Variants in TMEM132D observed in about 807,000 individuals in gnomAD.
TMEM132D encodes the protein transmembrane protein 132D, also known as mature OL transmembrane protein.
TMEM132D carries 21 observed loss-of-function variants against 62.3 expected under a neutral mutation model. The observed-to-expected ratio is 0.34, with a 90% CI of 0.24 to 0.49. TMEM132D has a LOEUF of 0.49. TMEM132D is among the 20% of genes least tolerant of loss of function. The probability of loss-of-function intolerance (pLI) is 0.99; values close to 1 mark genes in which losing one functional copy is unlikely to be tolerated. For synonymous variants in TMEM132D, 621 were observed against 575.6 expected, an observed-to-expected ratio of 1.08 and a Z score of -1.13; for missense variants, 1,346 against 1,402.8, an observed-to-expected ratio of 0.96 and a Z score of 0.65.
Position 129,699,974 on chromosome 12 carries a change from C to T in TMEM132D, c.804G>A (p.Gly268=), listed in dbSNP as rs2137225625. ...DESGPPLQRI[G]SIFLYQTHRK... is the part of the protein sequence containing the mutation. ...TGTGTGTCTGATAAAGGAAGATGCT[C>T]CCGATCCTCTGCAAGGGGGGCCCGG... Residue 268 remains glycine, a synonymous_variant, in exon 2 of 9, where the codon GGG becomes GGA. Transcript: ENST00000422113. The T allele has an allele frequency of 6.2e-7, 1 of 1,614,096 alleles. No homozygotes were observed. The highest frequency in any genetic ancestry group is 8.5e-7 in the Non-Finnish European group (1 of 1,180,030).
intron 4 of TMEM132D, among the ~76,000 whole-genome samples, chr12:129,266,253 G>T (rs1880691121): frequency 6.6e-6 from 1 of 152,024 alleles, no homozygotes; most frequent in African/African-American, 2.4e-5. Context: ...GCCACACTGG[G>T]GCTCCTCTCT....
intron 1 of TMEM132D, among the ~76,000 whole-genome samples, chr12:129,815,826 T>C (rs765325994): frequency 1.4e-4 from 21 of 152,214 alleles, no homozygotes; most frequent in Non-Finnish European, 2.6e-4. Context: ...TAACTAGAAA[T>C]GGAAGCTATT....
At chr12:129,482,494 G>GA (rs559553420) in intron 3 of TMEM132D, among the ~76,000 whole-genome samples, 42 of 152,218 alleles carry the variant, frequency 2.8e-4, no homozygotes, top group Middle Eastern at 3.4e-3. Flanking sequence ...TAGAAGCGTA[G>GA]AAAAAAATGG....
At chr12:129,747,817 TGACACACACTC>T (rs1234232632) in intron 1 of TMEM132D, among the ~76,000 whole-genome samples, 1 of 143,656 alleles carries the variant, frequency 7.0e-6, no homozygotes, top group Non-Finnish European at 1.5e-5. Flanking sequence ...TACACACACT[TGACACACACTC>T]GACACACATT....
At chr12:129,102,396 A>G (rs1172887720) in intron 5 of TMEM132D, among the ~76,000 whole-genome samples, 2 of 152,114 alleles carry the variant, frequency 1.3e-5, no homozygotes, top group South Asian at 4.1e-4. Context: ...ATGCATACAC[A>G]CACAATGCAC....
intron 3 of TMEM132D, among the ~76,000 whole-genome samples, chr12:129,509,162 G>A (rs1319258136): frequency 6.6e-6 from 1 of 152,126 alleles, no homozygotes; most frequent in Non-Finnish European, 1.5e-5. Context: ...ATTTTCTGAG[G>A]CCACTTTTAG....
chr12:129,307,392 G>A (rs892041845), intron 4 of TMEM132D, among the ~76,000 whole-genome samples: 1 of 152,114 alleles, frequency 6.6e-6, no homozygotes, highest in African/African-American at 2.4e-5. Flanking sequence ...TGAACCCTCT[G>A]CCTCATGCTT....
At chr12:129,800,709 G>A (rs1164430624) in intron 1 of TMEM132D, among the ~76,000 whole-genome samples, 1 of 152,118 alleles carries the variant, frequency 6.6e-6, no homozygotes, top group Non-Finnish European at 1.5e-5. Context: ...CAGGGAGGAG[G>A]AGCCAAGATG....
chr12:129,452,949 A>G (rs1412191993), intron 3 of TMEM132D, among the ~76,000 whole-genome samples: 3 of 152,140 alleles, frequency 2.0e-5, no homozygotes, highest in Non-Finnish European at 2.9e-5. Context: ...ATGGACCCAT[A>G]CTGGTTGGTG....
chr12:129,207,278 A>G (rs569555164), intron 5 of TMEM132D, among the ~76,000 whole-genome samples: 2 of 151,602 alleles, frequency 1.3e-5, no homozygotes, highest in East Asian at 3.9e-4. Context: ...TGGAGTTTAG[A>G]TTCCAATGAG....
chr12:129,640,103 C>T (rs911668885), intron 2 of TMEM132D, among the ~76,000 whole-genome samples: 4 of 152,000 alleles, frequency 2.6e-5, no homozygotes, highest in African/African-American at 9.7e-5. Flanking sequence ...AGCAACTAGG[C>T]TATATGGTAC....
At chr12:129,185,773 G>GTCTA (rs1555235284) in intron 5 of TMEM132D, among the ~76,000 whole-genome samples, 2,466 of 135,968 alleles carry the variant, frequency 0.018, 38 homozygotes, top group African/African-American at 0.042. Context: ...CTGTCTGTCT[G>GTCTA]TCTATCTATC....
chr12:129,261,766 G>C (rs59721479), intron 4 of TMEM132D, among the ~76,000 whole-genome samples: 2 of 152,000 alleles, frequency 1.3e-5, no homozygotes, highest in Non-Finnish European at 2.9e-5. Context: ...CTCTGCTTAC[G>C]AGGACACCAA....
At chr12:129,653,366 T>C (rs1879982502) in intron 2 of TMEM132D, among the ~76,000 whole-genome samples, 1 of 152,212 alleles carries the variant, frequency 6.6e-6, no homozygotes, top group Non-Finnish European at 1.5e-5. Context: ...TGATGGCCGA[T>C]GGATGGTATG....
chr12:129,387,015 C>G (rs1475358099), intron 3 of TMEM132D, among the ~76,000 whole-genome samples: 2 of 151,886 alleles, frequency 1.3e-5, no homozygotes, highest in Non-Finnish European at 2.9e-5. Context: ...AATATACTCA[C>G]ACTATACTAA....
Position 129,700,384 on chromosome 12 carries a change from G to A in TMEM132D, c.394C>T (p.His132Tyr), listed in dbSNP as rs2137227096. 1 of 1,614,134 alleles carries A rather than the reference G, an allele frequency of 6.2e-7. No homozygotes were observed. Among genetic ancestry groups the A allele is most frequent in the Non-Finnish European group, 8.5e-7 (1 of 1,180,032 alleles). The change falls in exon 2 of 9, where the codon CAC becomes TAC. Residue 132 changes from histidine to tyrosine, a missense_variant. His to Tyr is a moderately conservative substitution (Grantham distance 83). Coordinates refer to ENST00000422113, the MANE Select transcript of TMEM132D (RefSeq NM_133448.3). ...KFSLNWKLKA[H>Y]ILRDKVYLSR... ...AGGTAGACTTTGTCCCGCAGGATGT[G>A]GGCTTTTAGTTTCCAGTTAAGAGAA... is the stretch of plus-strand genomic sequence containing the variant.
At chr12:129,162,167 T>G (rs1877417718) in intron 5 of TMEM132D, among the ~76,000 whole-genome samples, 2 of 152,110 alleles carry the variant, frequency 1.3e-5, no homozygotes, top group Non-Finnish European at 2.9e-5. Context: ...AATGAGGTCA[T>G]AAGGGTGGGG....
chr12:129,762,002 T>C (rs910746705), intron 1 of TMEM132D, among the ~76,000 whole-genome samples: 6 of 152,156 alleles, frequency 3.9e-5, no homozygotes, highest in African/African-American at 1.4e-4. Flanking sequence ...GAATCAGCAC[T>C]GCAATTTTTC....
At chr12:129,711,232 C>T (rs781462843) in intron 1 of TMEM132D, among the ~76,000 whole-genome samples, 1 of 152,206 alleles carries the variant, frequency 6.6e-6, no homozygotes, top group Admixed American at 6.5e-5. Flanking sequence ...TCCGTTGTTC[C>T]GGTATCACAT....
Sources: allele counts gnomAD v4.1 joint callset (sites outside exome capture counted in the v4.1 genomes callset), GRCh38; gene constraint gnomAD v4.1.1; transcripts MANE v1.5; gene names NCBI Gene and HGNC (gene_info 2026-07-23, HGNC 2026-07-21).